NID1: variants seen among roughly 807,000 people sequenced by gnomAD.
NID1 encodes the protein nidogen 1, also known as nidogen-1.
A neutral mutation model predicts 130.6 loss-of-function variants in NID1; 76 were observed. The ratio of observed to expected loss-of-function variants is 0.58; its 90% CI spans 0.48 to 0.70. The LOEUF (loss-of-function observed/expected upper bound fraction) is 0.70, where lower values mean the gene tolerates loss of function less well. Among genes scored for constraint, NID1 ranks in the 30% least tolerant of loss-of-function variants. NID1 has a pLI of 0.00. For missense variants in NID1, 1,517 were observed against 1,664.8 expected (o/e 0.91, Z 1.54); for synonymous variants, 665 against 675.1 (o/e 0.98, Z 0.23).
intron 1 of NID1, among the ~76,000 whole-genome samples, chr1:236,054,700 G>T (rs1273658103): frequency 6.6e-6 from 1 of 151,558 alleles, no homozygotes; most frequent in Admixed American, 6.6e-5. Flanking sequence ...GGAGTGCAGT[G>T]GTGCAGTCTC....
intron 12 of NID1, 110 bp downstream of exon 12, chr1:236,011,811 C>T (rs1452663977): frequency 2.1e-6 from 3 of 1,439,216 alleles, no homozygotes; most frequent in Non-Finnish European, 1.9e-6. Flanking sequence ...GATTCATGGA[C>T]AGGGCAACGG....
At chr1:235,987,920 A>C (rs1006551219) in intron 14 of NID1, among the ~76,000 whole-genome samples, 1 of 152,246 alleles carries the variant, frequency 6.6e-6, no homozygotes, top group African/African-American at 2.4e-5. Context: ...CCTAAATGTA[A>C]GAGCAAACTT....
chr1:236,063,550 T>C (rs1353740806), intron 1 of NID1, among the ~76,000 whole-genome samples: 1 of 152,076 alleles, frequency 6.6e-6, no homozygotes, highest in African/African-American at 2.4e-5. Flanking sequence ...ATAAGATGTG[T>C]GTTTTTTTAA....
chr1:235,983,556 A>C (rs987565813), intron 15 of NID1, among the ~76,000 whole-genome samples: 1 of 152,162 alleles, frequency 6.6e-6, no homozygotes, highest in African/African-American at 2.4e-5. Context: ...CAAATAAAAC[A>C]GAGAATATAG....
chr1:236,021,055 T>A (rs10803226), intron 9 of NID1, among the ~76,000 whole-genome samples: 3 of 152,148 alleles, frequency 2.0e-5, no homozygotes, highest in African/African-American at 7.2e-5. Context: ...GGGTTACTTC[T>A]GCACCTTATT....
intron 12 of NID1, among the ~76,000 whole-genome samples, chr1:236,004,941 T>A (rs1248940729): frequency 6.6e-6 from 1 of 151,898 alleles, no homozygotes; most frequent in Non-Finnish European, 1.5e-5. Context: ...TTTGGGAGGC[T>A]GAGGTGGGCA....
chr1:235,980,927 AAAAC>A (rs1328764636), intron 16 of NID1, among the ~76,000 whole-genome samples: 1 of 152,248 alleles, frequency 6.6e-6, no homozygotes, highest in Non-Finnish European at 1.5e-5. Flanking sequence ...TTAGCAAAAG[AAAAC>A]AAAGTAAAGG....
Position 236,048,873 on chromosome 1 carries a change from G to C in NID1, c.342C>G (p.Thr114=). The C allele has an allele frequency of 6.2e-7, 1 of 1,614,086 alleles. No homozygotes were observed. Among genetic ancestry groups the C allele is most frequent in the Non-Finnish European group, 8.5e-7 (1 of 1,180,012 alleles). Residue 114 remains threonine (T), a synonymous_variant, in exon 2 of 20, where the codon ACC becomes ACG. Transcript: ENST00000264187. ...VAPFLADLDT[T]DGLGKVYYRE... is the part of the protein sequence containing the mutation. The stretch of plus-strand genomic sequence containing the variant: ...GATAATAAACCTTCCCCAGGCCATC[G>C]GTCGTGTCCAAGTCCGCCAGGAAAG...
intron 1 of NID1, among the ~76,000 whole-genome samples, chr1:236,057,228 C>T (rs553952219): frequency 1.1e-4 from 17 of 152,140 alleles, no homozygotes; most frequent in Middle Eastern, 3.4e-3. Flanking sequence ...CACTGCACTC[C>T]GGCCTGGGAG....
At chr1:236,036,959 G>A (rs966160752) in intron 5 of NID1, among the ~76,000 whole-genome samples, 9 of 152,142 alleles carry the variant, frequency 5.9e-5, no homozygotes, top group African/African-American at 2.2e-4. Context: ...GACTAAGACC[G>A]CATCTGAAGG....
At chr1:236,018,871 G>A (rs1658676232) in intron 9 of NID1, among the ~76,000 whole-genome samples, 2 of 152,134 alleles carry the variant, frequency 1.3e-5, no homozygotes, top group Admixed American at 1.3e-4. Context: ...TGACATGTGG[G>A]AGTCAAAGCC....
intron 4 of NID1, 111 bp downstream of exon 4, chr1:236,041,799 A>C: frequency 7.2e-7 from 1 of 1,385,688 alleles, no homozygotes; most frequent in East Asian, 2.3e-5. Context: ...CCAAGCTCTT[A>C]TCTTTACAAA....
chr1:236,013,698 A>G (rs1658500857), intron 10 of NID1, 138 bp from the exon 11 acceptor site: 3 of 910,678 alleles, frequency 3.3e-6, no homozygotes, highest in Non-Finnish European at 5.0e-6. Context: ...CCTGCACCCC[A>G]CTCCTCACTG....
chr1:236,012,578 A>AAAAAAGAAAG (rs1553343926), intron 11 of NID1, among the ~76,000 whole-genome samples: 2 of 99,524 alleles, frequency 2.0e-5, no homozygotes, highest in Admixed American at 1.2e-4. Context: ...AAAAAAAAAA[A>AAAAAAGAAAG]AAAGAAAGAA....
At chr1:236,020,272 T>C (rs1658725224) in intron 9 of NID1, among the ~76,000 whole-genome samples, 2 of 152,182 alleles carry the variant, frequency 1.3e-5, no homozygotes, top group Admixed American at 1.3e-4. Flanking sequence ...TCCTGGATCA[T>C]TCTTGTCATT....
chr1:236,047,636 A>C (rs956344433), intron 2 of NID1, among the ~76,000 whole-genome samples: 5 of 152,090 alleles, frequency 3.3e-5, no homozygotes, highest in Non-Finnish European at 7.4e-5. Context: ...TTGTCTCCCC[A>C]ACTAGAGTCT....
Position 235,985,447 on chromosome 1 carries a change from T to C in NID1, c.2987A>G (p.Asp996Gly). ...DCVDKMVYWT[D>G]ITEPSIGRAS... ...TCTCCCAATGGAAGGCTCAGTGATGTCCGTCCAGTAAACCATCTTGTCCAC... is the reference window on the plus strand; with the variant it reads ...TCTCCCAATGGAAGGCTCAGTGATGCCCGTCCAGTAAACCATCTTGTCCAC... Residue 996 changes from aspartate to glycine, a missense_variant, in exon 15 of 20, where the codon GAC (aspartate) becomes GGC (glycine). Asp to Gly is a moderately conservative substitution (Grantham distance 94). This residue lies in a region of NID1 where 1,329 missense variants were observed against 1,429.2 expected (regional missense o/e 0.93). Coordinates refer to ENST00000264187, the MANE Select transcript of NID1 (RefSeq NM_002508.3). 1 of 1,614,114 alleles carries C rather than the reference T, an allele frequency of 6.2e-7. No individual in the cohort carries two copies. Among genetic ancestry groups the C allele is most frequent in the Non-Finnish European group, 8.5e-7 (1 of 1,179,956 alleles).
chr1:236,051,088 A>G (rs1659752153), intron 1 of NID1, among the ~76,000 whole-genome samples: 1 of 152,198 alleles, frequency 6.6e-6, no homozygotes. Flanking sequence ...TGTCTCGAAA[A>G]AAAAAGAGAG....
At chr1:235,984,010 C>A (rs2102793884) in intron 15 of NID1, among the ~76,000 whole-genome samples, 1 of 152,018 alleles carries the variant, frequency 6.6e-6, no homozygotes, top group South Asian at 2.1e-4. Context: ...AAAATTATTC[C>A]CAGTGATCTT....
Sources: gnomAD v4.1 joint callset for allele counts (sites outside exome capture counted in the v4.1 genomes callset) on GRCh38, gnomAD v4.1.1 for gene constraint, gnomAD v4.1.1 regional missense constraint, MANE v1.5 for transcripts, NCBI Gene and HGNC (gene_info 2026-07-23, HGNC 2026-07-21) for gene names.